TDRD3: variants seen among roughly 807,000 people sequenced by gnomAD.
TDRD3 encodes tudor domain containing 3, also known as tudor domain-containing protein 3.
A neutral mutation model predicts 86.7 loss-of-function variants in TDRD3; 45 were observed. The observed-to-expected ratio is 0.52, with a 90% confidence interval of 0.41 to 0.67. The LOEUF (loss-of-function observed/expected upper bound fraction) is 0.67, where lower values mean the gene tolerates loss of function less well. Among genes scored for constraint, TDRD3 ranks in the 30% least tolerant of loss-of-function variants. The pLI, the probability that TDRD3 is intolerant of heterozygous loss-of-function variation, is 0.00. For synonymous variants in TDRD3, 298 were observed against 301.7 expected, an observed-to-expected ratio of 0.99 and a Z score of 0.13; for missense variants, 814 against 889.0, an observed-to-expected ratio of 0.92 and a Z score of 1.07.
At chr13:60,396,695 G>A (rs1055126485), upstream of TDRD3, 1 of 150,218 alleles carries the variant, frequency 6.7e-6, no homozygotes, top group African/African-American at 2.4e-5. Flanking sequence ...GTGTCCGACT[G>A]GGGCAACTCG....
intron 10 of TDRD3, among the ~76,000 whole-genome samples, chr13:60,526,012 A>G (rs1403142078): frequency 6.6e-6 from 1 of 152,200 alleles, no homozygotes; most frequent in Non-Finnish European, 1.5e-5. Flanking sequence ...AAATTCTGCC[A>G]CATCTGCCAA....
chr13:60,563,767 C>G (rs1420375671), intron 12 of TDRD3, among the ~76,000 whole-genome samples: 1 of 152,200 alleles, frequency 6.6e-6, no homozygotes, highest in African/African-American at 2.4e-5. Flanking sequence ...TTTCATACTT[C>G]CTTCTGAAGT....
chr13:60,463,151 C>T (rs980761124), intron 4 of TDRD3, among the ~76,000 whole-genome samples: 1 of 152,000 alleles, frequency 6.6e-6, no homozygotes, highest in Non-Finnish European at 1.5e-5. Context: ...AATCCCAGCA[C>T]TTTGGGAAGT....
At chr13:60,484,038 G>A (rs759473004) in intron 6 of TDRD3, among the ~76,000 whole-genome samples, 192 bp downstream of exon 6, 9 of 152,012 alleles carry the variant, frequency 5.9e-5, no homozygotes, top group Non-Finnish European at 1.3e-4. Context: ...GTTTGCGAGA[G>A]CTGTTAACCC....
intron 12 of TDRD3, among the ~76,000 whole-genome samples, chr13:60,547,024 T>C (rs1957954752): frequency 6.6e-6 from 1 of 152,146 alleles, no homozygotes; most frequent in Admixed American, 6.5e-5. Flanking sequence ...TAATAAAATG[T>C]CTAGATTGAA....
chr13:60,440,923 G>A (rs1303256343), intron 2 of TDRD3, among the ~76,000 whole-genome samples: 1 of 151,948 alleles, frequency 6.6e-6, no homozygotes, highest in African/African-American at 2.4e-5. Context: ...TAAATCTAAC[G>A]TTAAAAAAGT....
chr13:60,418,169 C>G (rs917922808), intron 1 of TDRD3, among the ~76,000 whole-genome samples: 1 of 152,100 alleles, frequency 6.6e-6, no homozygotes, highest in Non-Finnish European at 1.5e-5. Context: ...GCAGTTTATG[C>G]TCTAACAAGA....
At chr13:60,508,080 C>G (rs1471107469) in intron 8 of TDRD3, among the ~76,000 whole-genome samples, 1 of 152,072 alleles carries the variant, frequency 6.6e-6, no homozygotes, top group Admixed American at 6.6e-5. Context: ...AGGACCTCTT[C>G]AAGGAGAACT....
At chr13:60,486,969 G>C (rs919079204) in intron 7 of TDRD3, among the ~76,000 whole-genome samples, 8 of 152,000 alleles carry the variant, frequency 5.3e-5, no homozygotes, top group Non-Finnish European at 7.4e-5. Flanking sequence ...AATCCATTAT[G>C]TGTAGACAGT....
At chr13:60,557,818 T>A (rs1344365572) in intron 12 of TDRD3, among the ~76,000 whole-genome samples, 3 of 137,538 alleles carry the variant, frequency 2.2e-5, no homozygotes, top group South Asian at 5.2e-4. Flanking sequence ...TTTTTTTTCC[T>A]GATTTTTTTT....
chr13:60,543,208 GTTCTAGTAAA>G (rs1957857081), intron 12 of TDRD3, among the ~76,000 whole-genome samples: 1 of 152,114 alleles, frequency 6.6e-6, no homozygotes, highest in African/African-American at 2.4e-5. Context: ...TAATGAAGAG[GTTCTAGTAAA>G]CAACCCAGAC....
intron 12 of TDRD3, chr13:60,535,722 T>C (rs1475189895): frequency 6.6e-6 from 1 of 152,242 alleles, no homozygotes; most frequent in African/African-American, 2.4e-5. Flanking sequence ...TATGTACAGA[T>C]TAACTATAAA....
chr13:60,564,303 C>A (rs4243017), intron 12 of TDRD3, among the ~76,000 whole-genome samples: 8 of 151,824 alleles, frequency 5.3e-5, no homozygotes, highest in Non-Finnish European at 8.8e-5. Context: ...TTTAGGGAGA[C>A]GTGAGACTTC....
chr13:60,451,202 T>C (rs1955531637), intron 3 of TDRD3, among the ~76,000 whole-genome samples: 1 of 152,194 alleles, frequency 6.6e-6, no homozygotes. Context: ...CAGATACTTT[T>C]CTCCCAGCCT....
Position 60,556,695 on chromosome 13 carries a change from A to C in TDRD3, c.2119-10830A>C, listed in dbSNP as rs1045517211. On this transcript the variant is annotated intron_variant, in intron 12 of 13. Coordinates refer to ENST00000377881, the MANE Select transcript of TDRD3 (RefSeq NM_001146070.2). Reference sequence around the variant, plus strand: ...TGAGAACTAATAGCATTGTATTCCAAGTAAGCCATACTTGGAATGTTATTC... The same window carrying C: ...TGAGAACTAATAGCATTGTATTCCACGTAAGCCATACTTGGAATGTTATTC... 4.6e-5 allele frequency among the ~76,000 whole-genome samples: 7 copies of C among 152,298 alleles called. No homozygotes were observed. In the East Asian group the frequency reaches 1.4e-3, roughly 29 times the overall value.
At chr13:60,556,198 A>C (rs1386464306) in intron 12 of TDRD3, among the ~76,000 whole-genome samples, 1 of 152,108 alleles carries the variant, frequency 6.6e-6, no homozygotes, top group Non-Finnish European at 1.5e-5. Context: ...TTAATTTTAC[A>C]CTAAGACTAT....
In TDRD3 at chr13:60,572,013, A is replaced by T. The variant is rs190851957; in HGVS notation, c.*10-1603A>T. 2.0e-5 allele frequency among the ~76,000 whole-genome samples: 3 copies of T among 152,344 alleles called. No homozygotes were observed. The East Asian group carries it at 5.8e-4, about 29-fold the overall frequency. ...TAAGACAGCTTGGAAATATGAGCAG[A>T]TATAAAATAGAGAAATTATACACAG... On this transcript the variant is annotated intron_variant, in intron 13 of 13. Coordinates refer to ENST00000377881, the MANE Select transcript of TDRD3 (RefSeq NM_001146070.2).
chr13:60,500,950 G>A (rs1460044200), intron 8 of TDRD3, among the ~76,000 whole-genome samples: 2 of 152,142 alleles, frequency 1.3e-5, no homozygotes, highest in African/African-American at 4.8e-5. Flanking sequence ...CATGAACAAA[G>A]TGGCCATGGT....
chr13:60,491,872 G>A (rs1291150845), intron 7 of TDRD3, among the ~76,000 whole-genome samples: 1 of 152,028 alleles, frequency 6.6e-6, no homozygotes, highest in African/African-American at 2.4e-5. Context: ...TGAGGAGAAT[G>A]TGTAAAATAG....
Sources: gnomAD v4.1 joint callset for allele counts (sites outside exome capture counted in the v4.1 genomes callset) on GRCh38, gnomAD v4.1.1 for gene constraint, MANE v1.5 for transcripts, NCBI Gene and HGNC (gene_info 2026-07-23, HGNC 2026-07-21) for gene names.